FRYL: variants seen among roughly 807,000 people sequenced by gnomAD.
FRYL encodes the protein protein furry homolog-like.
Under a neutral mutation model 351.2 loss-of-function variants are expected in FRYL, and 150 were observed. The ratio of observed to expected loss-of-function variants is 0.43; its 90% CI spans 0.37 to 0.49. The LOEUF (loss-of-function observed/expected upper bound fraction) is 0.49, where lower values mean the gene tolerates loss of function less well. FRYL is among the 20% of genes least tolerant of loss of function. The pLI, the probability that FRYL is intolerant of heterozygous loss-of-function variation, is 0.00. For missense variants in FRYL, 3,036 were observed against 3,619.3 expected, an observed-to-expected ratio of 0.84 and a Z score of 4.13; for synonymous variants, 1,153 against 1,257.1, an observed-to-expected ratio of 0.92 and a Z score of 1.75.
At chr4:48,758,065 C>T (rs917686225) in intron 1 of FRYL, among the ~76,000 whole-genome samples, 1 of 152,190 alleles carries the variant, frequency 6.6e-6, no homozygotes, top group Non-Finnish European at 1.5e-5. Context: ...CCCTTCCTTA[C>T]ACCTTATACA....
chr4:48,534,641 C>G lies in FRYL; in HGVS notation c.6609G>C (p.Gln2203His). 6.3e-7 allele frequency: 1 copy of G among 1,591,266 alleles called. No individual in the cohort carries two copies. The highest frequency in any genetic ancestry group is 8.6e-7 in the Non-Finnish European group (1 of 1,159,586). Residue 2203 changes from glutamine to histidine, a missense_variant, in exon 49 of 64, where the codon CAG (glutamine) becomes CAC (histidine). Around this residue, in one of 7 missense-constraint regions of FRYL, gnomAD observed 1,987 missense variants for 2,311.7 expected, o/e 0.86. Transcript: ENST00000358350. ...TATGACTCAATAGACTATAAATAAT[C>G]TGTAGTAATGATTGCTGCATACTGG... ...GLSSMQQSLL[Q>H]IIYSLLSHID...
intron 3 of FRYL, among the ~76,000 whole-genome samples, chr4:48,671,767 C>T (rs1445918601): frequency 1.4e-5 from 2 of 145,334 alleles, no homozygotes; most frequent in African/African-American, 2.5e-5. Context: ...GCACAAGAAT[C>T]GCTTGAACCT....
intron 9 of FRYL, 134 bp from the exon 10 acceptor site, chr4:48,606,740 A>G: frequency 1.7e-6 from 1 of 574,440 alleles, no homozygotes; most frequent in Admixed American, 3.3e-5. Context: ...AATTGCCAGA[A>G]AGGCACACAG....
At chr4:48,542,381 C>A (rs1286135081) in intron 44 of FRYL, among the ~76,000 whole-genome samples, 1 of 152,160 alleles carries the variant, frequency 6.6e-6, no homozygotes, top group East Asian at 1.9e-4. Context: ...CACATCTAAA[C>A]TGAATCCACC....
At chr4:48,589,178 C>G (rs1436180753) in intron 18 of FRYL, among the ~76,000 whole-genome samples, 1 of 152,068 alleles carries the variant, frequency 6.6e-6, no homozygotes, top group Admixed American at 6.6e-5. Flanking sequence ...ATAAAGTAAG[C>G]TATTGCCATA....
intron 24 of FRYL, 105 bp downstream of exon 24, chr4:48,575,925 T>C: frequency 2.2e-6 from 2 of 929,596 alleles, no homozygotes; most frequent in Non-Finnish European, 3.1e-6. Flanking sequence ...AAGTAACACA[T>C]TTTCAACTGA....
chr4:48,765,203 T>C (rs1774824574), intron 1 of FRYL, among the ~76,000 whole-genome samples: 2 of 152,168 alleles, frequency 1.3e-5, no homozygotes, highest in Admixed American at 1.3e-4. Context: ...TAGAGCAATC[T>C]TGACCAAAAA....
chr4:48,615,547 C>T (rs922280435), intron 7 of FRYL, among the ~76,000 whole-genome samples: 6 of 152,128 alleles, frequency 3.9e-5, no homozygotes, highest in African/African-American at 1.4e-4. Context: ...TTTAAACATG[C>T]TTTTATCATG....
intron 6 of FRYL, 78 bp from the exon 7 acceptor site, chr4:48,619,448 C>T: frequency 1.4e-6 from 1 of 719,742 alleles, no homozygotes; most frequent in South Asian, 2.3e-5. Context: ...GCTCATGTCG[C>T]TTACTGTTTT....
chr4:48,656,515 T>C (rs1484882317), intron 3 of FRYL, among the ~76,000 whole-genome samples: 8 of 125,942 alleles, frequency 6.4e-5, no homozygotes, highest in Non-Finnish European at 1.1e-4. Context: ...ATAATGTATA[T>C]AGTAATGTAT....
At chr4:48,672,679 T>C (rs1762929208) in intron 3 of FRYL, among the ~76,000 whole-genome samples, 1 of 152,212 alleles carries the variant, frequency 6.6e-6, no homozygotes, top group Admixed American at 6.5e-5. Context: ...ACCTTTTTTA[T>C]CACTTCTGAA....
At chr4:48,611,239 T>TA (rs1332738084) in intron 7 of FRYL, among the ~76,000 whole-genome samples, 2 of 152,184 alleles carry the variant, frequency 1.3e-5, no homozygotes, top group Non-Finnish European at 2.9e-5. Flanking sequence ...TTATAGTATG[T>TA]AACACAATGT....
chr4:48,616,955 T>C (rs1749591217), intron 7 of FRYL, among the ~76,000 whole-genome samples: 1 of 152,252 alleles, frequency 6.6e-6, no homozygotes, highest in East Asian at 1.9e-4. Context: ...AGTGGTGATA[T>C]TTCAGCAAGC....
rs1201744662 is a variant in FRYL, at chr4:48,497,421, A to G, written c.*2001T>C. ...GACTTAGTTACATATAAATAAACAC[A>G]AAAAGCAAATATCAACTGAAAGGTT... On this transcript the variant is annotated 3_prime_UTR_variant, in exon 64 of 64. Transcript: ENST00000358350. The G allele has an allele frequency of 1.3e-5, 2 of 152,594 alleles. No individual in the cohort carries two copies. Among genetic ancestry groups the G allele is most frequent in the African/African-American group, 4.8e-5 (2 of 41,452 alleles). 9.5% of individuals were successfully genotyped at this position (152,594 alleles called of 1,614,324 possible).
chr4:48,688,636 G>T (rs1765394018), intron 2 of FRYL, among the ~76,000 whole-genome samples: 1 of 144,916 alleles, frequency 6.9e-6, no homozygotes, highest in Non-Finnish European at 1.5e-5. Flanking sequence ...AAATGAACTT[G>T]CATTTAACCT....
At position 48,567,768 on chromosome 4, in the gene FRYL, A is replaced by C. The variant is rs1275372546; in HGVS notation, c.2997-348T>G. The stretch of plus-strand genomic sequence containing the variant: ...GGGAGGATCAGTTTAGAAAAGTAGA[A>C]AGAGGAAAGACTAGTTCTATTTATT... On this transcript the variant is annotated intron_variant, in intron 27 of 63. Transcript: ENST00000358350. The surrounding 1 kb of genome is among the most constrained non-coding windows in gnomAD (Gnocchi z 4.2). 2.0e-5 allele frequency among the ~76,000 whole-genome samples: 3 copies of C among 152,222 alleles called. No individual in the cohort carries two copies. The highest frequency in any genetic ancestry group is 7.2e-5 in the African/African-American group (3 of 41,464).
intron 1 of FRYL, among the ~76,000 whole-genome samples, chr4:48,728,587 C>A (rs1578851744): frequency 1.3e-5 from 2 of 152,244 alleles, no homozygotes; most frequent in East Asian, 3.9e-4. Flanking sequence ...AAAAAACCTA[C>A]ACTTAGACAT....
Position 48,576,027 on chromosome 4 carries a change from T to C in FRYL, c.2721+3A>G. 6.4e-7 allele frequency: 1 copy of C among 1,573,694 alleles called. No individual in the cohort carries two copies. The highest frequency in any genetic ancestry group is 8.6e-7 in the Non-Finnish European group (1 of 1,162,678). On this transcript the variant is annotated splice_donor_region_variant and intron_variant, in intron 24 of 63. Transcript: ENST00000358350. ...TATCCAACAGTGGATCTGAGAAACT[T>C]ACTTTAGAATCAATGCTATAGCCGC...
rs1553957551 is a variant in FRYL, at chr4:48,632,096, A to ATATATATATATATATG, written c.120+2194_120+2195insCATATATATATATATA. On this transcript the variant is annotated intron_variant, in intron 4 of 63. Coordinates refer to ENST00000358350, the MANE Select transcript of FRYL (RefSeq NM_015030.2). ...AAAAAAAAAAAAAAAAAAAAAATAT[A>ATATATATATATATATG]TATATATATATATATATATATATAT... Among the ~76,000 whole-genome samples the ATATATATATATATATG allele has an allele frequency of 4.1e-3, 66 of 16,172 alleles. 1 individual carries two copies. Among genetic ancestry groups the ATATATATATATATATG allele is most frequent in the Admixed American group, 7.9e-3 (6 of 756 alleles). The allele number at this position is 16,172 out of a possible 152,430, so 10.6% of individuals were successfully genotyped here.
Sources: gnomAD v4.1 joint callset for allele counts (sites outside exome capture counted in the v4.1 genomes callset) on GRCh38, gnomAD v4.1.1 for gene constraint, gnomAD v4.1.1 regional missense constraint, Gnocchi (gnomAD v3.1) non-coding constraint, MANE v1.5 for transcripts, NCBI Gene and HGNC (gene_info 2026-07-23, HGNC 2026-07-21) for gene names.